Variants in ZRANB3 observed in about 807,000 individuals in gnomAD.
ZRANB3 encodes zinc finger RANBP2-type containing 3, also known as DNA annealing helicase and endonuclease ZRANB3.
A neutral mutation model predicts 133.8 loss-of-function variants in ZRANB3; 125 were observed. The observed-to-expected ratio is 0.93, with a 90% CI of 0.81 to 1.08. ZRANB3 has a LOEUF of 1.08. Among genes scored for constraint, ZRANB3 ranks in the 50% least tolerant of loss-of-function variants. The probability of loss-of-function intolerance (pLI) is 0.00; values close to 1 mark genes in which losing one functional copy is unlikely to be tolerated. For missense variants in ZRANB3, 1,229 were observed against 1,275.5 expected (o/e 0.96, Z 0.56); for synonymous variants, 387 against 432.7 (o/e 0.89, Z 1.31).
intron 12 of ZRANB3, among the ~76,000 whole-genome samples, chr2:135,237,183 T>C (rs6761547): frequency 0.3 from 44,899 of 149,926 alleles, 10,127 homozygotes; most frequent in African/African-American, 0.64. Flanking sequence ...AAAAGACACA[T>C]GAAAAAATGC....
intron 6 of ZRANB3, among the ~76,000 whole-genome samples, chr2:135,320,644 T>TATG (rs958764704): frequency 2.4e-4 from 36 of 152,340 alleles, no homozygotes; most frequent in African/African-American, 8.7e-4. Context: ...AACATTAGCT[T>TATG]ATGATGATGA....
chr2:135,389,056 C>T (rs1160375875), intron 3 of ZRANB3, among the ~76,000 whole-genome samples: 6 of 152,084 alleles, frequency 3.9e-5, no homozygotes, highest in Admixed American at 2.6e-4. Flanking sequence ...CCAGTCTGGG[C>T]GACAGAGCGA....
At chr2:135,364,305 C>A (rs551346206) in intron 3 of ZRANB3, among the ~76,000 whole-genome samples, 3 of 152,254 alleles carry the variant, frequency 2.0e-5, no homozygotes, top group South Asian at 4.1e-4. Context: ...GATAAAAACA[C>A]GAAAAACACT....
At chr2:135,241,329 T>C (rs1695541560) in intron 12 of ZRANB3, among the ~76,000 whole-genome samples, 1 of 151,920 alleles carries the variant, frequency 6.6e-6, no homozygotes, top group South Asian at 2.1e-4. Flanking sequence ...GGCAGTCATA[T>C]TTTTAACATC....
intron 19 of ZRANB3, among the ~76,000 whole-genome samples, chr2:135,206,078 C>A (rs1000760345): frequency 9.2e-5 from 14 of 152,130 alleles, no homozygotes; most frequent in Non-Finnish European, 1.9e-4. Flanking sequence ...GAAGACAAAT[C>A]CAGAATGGCA....
At chr2:135,389,784 T>G (rs1374498409) in intron 3 of ZRANB3, among the ~76,000 whole-genome samples, 1 of 152,082 alleles carries the variant, frequency 6.6e-6, no homozygotes, top group Non-Finnish European at 1.5e-5. Context: ...TTGGGAGAAG[T>G]TTTTGATGAT....
chr2:135,463,813 T>C (rs1477371069), intron 2 of ZRANB3, among the ~76,000 whole-genome samples: 1 of 152,212 alleles, frequency 6.6e-6, no homozygotes, highest in Admixed American at 6.5e-5. Context: ...TTGACAGAAG[T>C]GTACCTTAGA....
chr2:135,458,335 G>GT (rs1258727623), intron 2 of ZRANB3, among the ~76,000 whole-genome samples: 4 of 151,730 alleles, frequency 2.6e-5, no homozygotes, highest in Non-Finnish European at 5.9e-5. Flanking sequence ...TCTCAAAATT[G>GT]TTTTGGCTAT....
At chr2:135,390,001 C>T (rs1279647400) in intron 3 of ZRANB3, among the ~76,000 whole-genome samples, 1 of 150,848 alleles carries the variant, frequency 6.6e-6, no homozygotes, top group Non-Finnish European at 1.5e-5. Context: ...CTGCCTCAGC[C>T]TCCTGAGTAG....
chr2:135,389,659 C>T (rs896777198), intron 3 of ZRANB3, among the ~76,000 whole-genome samples: 5 of 151,962 alleles, frequency 3.3e-5, no homozygotes, highest in African/African-American at 9.7e-5. Flanking sequence ...GAGCCGAGAT[C>T]GTGCCATTGC....
intron 3 of ZRANB3, among the ~76,000 whole-genome samples, chr2:135,364,922 A>C (rs1331316302): frequency 2.6e-5 from 4 of 151,864 alleles, no homozygotes; most frequent in African/African-American, 9.7e-5. Context: ...GGTGGCACAC[A>C]CCTGTAGCCC....
Position 135,254,844 on chromosome 2 carries a change from G to A in ZRANB3, c.1539+10690C>T, listed in dbSNP as rs185970710. 5.7e-3 allele frequency among the ~76,000 whole-genome samples: 863 copies of A among 151,778 alleles called. 4 individuals carry two copies. Among genetic ancestry groups the A allele is most frequent in the South Asian group, 0.011 (53 of 4,802 alleles). On this transcript the variant is annotated intron_variant, in intron 12 of 20. Coordinates refer to ENST00000264159, the MANE Select transcript of ZRANB3 (RefSeq NM_032143.4). ...CAGCTCACTGCAACCTCCACCTCCC[G>A]GGTTTACACCATTCTCCTGCCTCAG...
chr2:135,366,938 G>A (rs147528698), intron 3 of ZRANB3, among the ~76,000 whole-genome samples: 1,582 of 152,040 alleles, frequency 0.01, 25 homozygotes, highest in African/African-American at 0.036. Context: ...GGAGAATGGC[G>A]TCAACCCGGG....
chr2:135,313,353 CAAA>C (rs368770114), intron 8 of ZRANB3, 133 bp downstream of exon 8: 6,247 of 348,666 alleles, frequency 0.018, no homozygotes, highest in South Asian at 0.035. Flanking sequence ...GCTCCCAACT[CAAA>C]AAAAAAAAAA....
chr2:135,376,487 C>T (rs1432473547), intron 3 of ZRANB3, among the ~76,000 whole-genome samples: 1 of 152,112 alleles, frequency 6.6e-6, no homozygotes, highest in Non-Finnish European at 1.5e-5. Flanking sequence ...TACATCCATA[C>T]AATGCAATAT....
intron 3 of ZRANB3, among the ~76,000 whole-genome samples, chr2:135,366,129 T>C (rs377507163): frequency 6.6e-6 from 1 of 152,212 alleles, no homozygotes; most frequent in Non-Finnish European, 1.5e-5. Flanking sequence ...TGTTGACACA[T>C]AGCAATCACT....
At chr2:135,217,776 T>C (rs1694372123) in intron 16 of ZRANB3, among the ~76,000 whole-genome samples, 169 bp from the exon 17 acceptor site, 1 of 152,196 alleles carries the variant, frequency 6.6e-6, no homozygotes, top group Non-Finnish European at 1.5e-5. Context: ...TTTCATATCT[T>C]TATTGTAAAC....
intron 6 of ZRANB3, among the ~76,000 whole-genome samples, chr2:135,326,792 C>T (rs1321775429): frequency 6.7e-6 from 1 of 149,486 alleles, no homozygotes; most frequent in Non-Finnish European, 1.5e-5. Context: ...CCCAGCTACT[C>T]AGGAGGCTGA....
At chr2:135,460,395 G>A (rs530783434) in intron 2 of ZRANB3, among the ~76,000 whole-genome samples, 4 of 151,884 alleles carry the variant, frequency 2.6e-5, no homozygotes, top group African/African-American at 9.7e-5. Flanking sequence ...CTGAGTGGCT[G>A]GGATTACAGG....
Sources: gnomAD v4.1 joint callset for allele counts (sites outside exome capture counted in the v4.1 genomes callset) on GRCh38, gnomAD v4.1.1 for gene constraint, MANE v1.5 for transcripts, NCBI Gene and HGNC (gene_info 2026-07-23, HGNC 2026-07-21) for gene names.